TRMT11: variants seen among roughly 807,000 people sequenced by gnomAD.
The protein encoded by TRMT11 is tRNA methyltransferase 11, also known as tRNA (guanine(10)-N(2))-methyltransferase TRMT11.
Under a neutral mutation model 62.8 loss-of-function variants are expected in TRMT11, and 53 were observed. The observed-to-expected ratio is 0.84, with a 90% CI of 0.68 to 1.06. The LOEUF is 1.06. Ranked by LOEUF, TRMT11 falls within the 50% of genes least tolerant of loss-of-function variation. The pLI, the probability that TRMT11 is intolerant of heterozygous loss-of-function variation, is 0.00. For missense variants in TRMT11, 556 were observed against 553.4 expected, an observed-to-expected ratio of 1.00 and a Z score of -0.05; for synonymous variants, 188 against 190.3, an observed-to-expected ratio of 0.99 and a Z score of 0.10.
the TRMT11 span, among the ~76,000 whole-genome samples, chr6:126,240,953 T>C: frequency 6.6e-6 from 1 of 152,232 alleles, no homozygotes; most frequent in Non-Finnish European, 1.5e-5. Flanking sequence ...CAGTTTGATC[T>C]CAGACTGCTG....
intron 21 of TRMT11, among the ~76,000 whole-genome samples, chr6:126,137,823 C>T (rs970802803): frequency 2.0e-5 from 3 of 151,782 alleles, no homozygotes; most frequent in Non-Finnish European, 4.4e-5. Flanking sequence ...TTTGCAGCAA[C>T]ATGGATAGGA....
the TRMT11 span, among the ~76,000 whole-genome samples, chr6:126,271,799 TAGA>T: frequency 1.3e-5 from 2 of 152,126 alleles, no homozygotes; most frequent in African/African-American, 4.8e-5. Context: ...AGCAGAGCTG[TAGA>T]AGGTCGATAT....
chr6:126,046,467 G>A (rs1356961077), intron 16 of TRMT11, among the ~76,000 whole-genome samples: 1 of 152,186 alleles, frequency 6.6e-6, no homozygotes, highest in East Asian at 1.9e-4. Flanking sequence ...ATACTGGCAT[G>A]GAGCCTCCCA....
intron 21 of TRMT11, among the ~76,000 whole-genome samples, chr6:126,126,350 CT>C (rs1014970634): frequency 6.6e-6 from 1 of 152,060 alleles, no homozygotes; most frequent in Non-Finnish European, 1.5e-5. Context: ...TTGTTGAAAA[CT>C]AAATGAAGTA....
chr6:126,020,787 T>C (rs1263636698), intron 11 of TRMT11, among the ~76,000 whole-genome samples: 1 of 152,244 alleles, frequency 6.6e-6, no homozygotes, highest in South Asian at 2.1e-4. Context: ...TATAAAAATC[T>C]ACAGATGAAT....
the TRMT11 span, among the ~76,000 whole-genome samples, chr6:126,219,245 G>A: frequency 1.3e-5 from 2 of 151,922 alleles, no homozygotes; most frequent in Non-Finnish European, 2.9e-5. Flanking sequence ...TGGTGTTCCT[G>A]CCAGAAGGAA....
chr6:126,009,178 C>G (rs918214896), intron 8 of TRMT11, among the ~76,000 whole-genome samples: 4 of 152,018 alleles, frequency 2.6e-5, no homozygotes, highest in Admixed American at 2.0e-4. Flanking sequence ...AAATTATTCA[C>G]TAATCATACA....
At chr6:126,028,166 G>A (rs1225674366) in intron 12 of TRMT11, among the ~76,000 whole-genome samples, 2 of 152,060 alleles carry the variant, frequency 1.3e-5, no homozygotes, top group Non-Finnish European at 2.9e-5. Flanking sequence ...AATATATTGT[G>A]ATTTTTGCCT....
the TRMT11 span, among the ~76,000 whole-genome samples, chr6:126,266,782 C>T: frequency 6.6e-6 from 1 of 152,130 alleles, no homozygotes; most frequent in Admixed American, 6.5e-5. Context: ...TTCCTGGCTT[C>T]ACCCTATTGC....
chr6:126,123,698 TA>T (rs1777676484), intron 21 of TRMT11, among the ~76,000 whole-genome samples: 1 of 152,044 alleles, frequency 6.6e-6, no homozygotes, highest in South Asian at 2.1e-4. Context: ...TTTCTGATAT[TA>T]AAAAAATAAA....
chr6:126,096,331 G>C (rs921593355), intron 17 of TRMT11, among the ~76,000 whole-genome samples: 5 of 152,092 alleles, frequency 3.3e-5, no homozygotes, highest in Admixed American at 1.3e-4. Flanking sequence ...TCAGCTATGG[G>C]TATCTCCAGG....
chr6:126,089,878 T>C (rs1777255075), intron 17 of TRMT11, among the ~76,000 whole-genome samples: 1 of 152,270 alleles, frequency 6.6e-6, no homozygotes, highest in African/African-American at 2.4e-5. Context: ...AATGTGGTGC[T>C]AATGCACAGT....
chr6:126,139,639 G>A (rs1006815028), intron 21 of TRMT11, among the ~76,000 whole-genome samples: 7 of 152,076 alleles, frequency 4.6e-5, no homozygotes, highest in African/African-American at 1.4e-4. Flanking sequence ...AAAGTGCTGG[G>A]ATTACAGGTG....
intron 21 of TRMT11, among the ~76,000 whole-genome samples, chr6:126,151,952 C>G (rs1268593504): frequency 1.1e-5 from 1 of 94,296 alleles, no homozygotes; most frequent in Admixed American, 1.1e-4. Flanking sequence ...TCTTTTCTTT[C>G]TTTCTTTTCT....
the TRMT11 span, among the ~76,000 whole-genome samples, chr6:126,263,602 A>G: frequency 2.1e-4 from 32 of 152,236 alleles, no homozygotes; most frequent in Non-Finnish European, 3.5e-4. Context: ...CAAAACTTAG[A>G]AGGTTCAATT....
chr6:126,019,218 A>G (rs1198139139), intron 11 of TRMT11, among the ~76,000 whole-genome samples: 1 of 152,152 alleles, frequency 6.6e-6, no homozygotes, highest in Admixed American at 6.5e-5. Context: ...TCTTTTTAGT[A>G]TGGTGCTTTG....
At chr6:126,036,508 C>T (rs1486351472) in intron 12 of TRMT11, among the ~76,000 whole-genome samples, 1 of 151,882 alleles carries the variant, frequency 6.6e-6, no homozygotes, top group Non-Finnish European at 1.5e-5. Context: ...TTAGGATATA[C>T]GAGTTAAGAT....
intron 21 of TRMT11, among the ~76,000 whole-genome samples, chr6:126,161,860 G>GT (rs1778195029): frequency 1.3e-5 from 2 of 151,958 alleles, no homozygotes; most frequent in Non-Finnish European, 2.9e-5. Flanking sequence ...TTTTTCATAT[G>GT]TTTGTTGGCT....
intron 17 of TRMT11, among the ~76,000 whole-genome samples, chr6:126,085,041 C>T (rs1344781844): frequency 6.6e-6 from 1 of 152,092 alleles, no homozygotes; most frequent in African/African-American, 2.4e-5. Context: ...TAATGATGTT[C>T]TGCTATGTGA....
Sources: gnomAD v4.1 joint callset for allele counts (sites outside exome capture counted in the v4.1 genomes callset) on GRCh38, gnomAD v4.1.1 for gene constraint, MANE v1.5 for transcripts, NCBI Gene and HGNC (gene_info 2026-07-23, HGNC 2026-07-21) for gene names.